FBXL7: variants seen among roughly 807,000 people sequenced by gnomAD.
The protein encoded by FBXL7 is F-box/LRR-repeat protein 7.
A neutral mutation model predicts 38.3 loss-of-function variants in FBXL7; 12 were observed. That is an observed-to-expected ratio of 0.31 (90% confidence interval 0.20 to 0.51). The LOEUF is 0.51. FBXL7 is among the 20% of genes least tolerant of loss of function. The pLI is 0.98. For synonymous variants in FBXL7, 297 were observed against 300.9 expected (o/e 0.99, Z 0.13); for missense variants, 567 against 676.4 (o/e 0.84, Z 1.79).
chr5:15,839,917 C>T lies in FBXL7; in HGVS notation c.128-87973C>T, dbSNP rs534965185. 9.8e-5 allele frequency among the ~76,000 whole-genome samples: 15 copies of T among 152,288 alleles called. No homozygotes were observed. The South Asian group carries it at 2.7e-3, about 27-fold the overall frequency. ...ATAAAAGAAGAAAAATCTGCTTACT[C>T]TTTTACAACTAAATGGTTACATTGA... is the stretch of plus-strand genomic sequence containing the variant. On this transcript the variant is annotated intron_variant, in intron 2 of 3. Transcript: ENST00000504595.
At chr5:15,559,317 C>T (rs946195178) in intron 1 of FBXL7, among the ~76,000 whole-genome samples, 15 of 152,072 alleles carry the variant, frequency 9.9e-5, no homozygotes, top group Admixed American at 4.6e-4. Context: ...CCATTTGAAG[C>T]CTAAGAGTCA....
intron 2 of FBXL7, among the ~76,000 whole-genome samples, chr5:15,801,317 G>A (rs1304657702): frequency 6.6e-6 from 1 of 152,154 alleles, no homozygotes; most frequent in Non-Finnish European, 1.5e-5. Flanking sequence ...AAGGACAATG[G>A]TAACTTACAG....
intron 1 of FBXL7, among the ~76,000 whole-genome samples, chr5:15,584,150 C>T (rs1739234809): frequency 1.3e-5 from 2 of 152,150 alleles, no homozygotes; most frequent in South Asian, 4.1e-4. Flanking sequence ...AGCAGCTGGG[C>T]CCTGGGCCTG....
intron 2 of FBXL7, among the ~76,000 whole-genome samples, chr5:15,882,397 G>C (rs991121643): frequency 6.6e-6 from 1 of 152,160 alleles, no homozygotes; most frequent in Non-Finnish European, 1.5e-5. Context: ...CCCAGCACCT[G>C]ACATGTCAGG....
intron 2 of FBXL7, among the ~76,000 whole-genome samples, chr5:15,684,292 A>C (rs925780503): frequency 6.6e-6 from 1 of 152,224 alleles, no homozygotes; most frequent in East Asian, 1.9e-4. Context: ...AATATGATAC[A>C]TGACATGAGA....
At position 15,692,242 on chromosome 5, in the gene FBXL7, G is replaced by C. The variant is rs141559823; in HGVS notation, c.127+76170G>C. On this transcript the variant is annotated intron_variant, in intron 2 of 3. Transcript: ENST00000504595. ...GAATAATAAGAGTACCTACTTCATAGAGATGGGAATTAACTGAGGTAATGC... is the reference window on the plus strand; with the variant it reads ...GAATAATAAGAGTACCTACTTCATACAGATGGGAATTAACTGAGGTAATGC... Among the ~76,000 whole-genome samples the C allele has an allele frequency of 9.4e-4, 143 of 152,270 alleles. 3 individuals are homozygous for C. In the East Asian group the frequency reaches 0.024, roughly 25 times the overall value.
At chr5:15,639,314 TA>T (rs1412361111) in intron 2 of FBXL7, among the ~76,000 whole-genome samples, 1 of 152,170 alleles carries the variant, frequency 6.6e-6, no homozygotes, top group Non-Finnish European at 1.5e-5. Flanking sequence ...TCTCATCTTG[TA>T]GCTCCCATGA....
intron 2 of FBXL7, among the ~76,000 whole-genome samples, chr5:15,786,967 C>T (rs142812459): frequency 2.0e-5 from 3 of 152,042 alleles, no homozygotes; most frequent in African/African-American, 7.2e-5. Flanking sequence ...CCTTATGAGA[C>T]CCACACAGAG....
At chr5:15,927,427 G>A (rs1352246649) in intron 2 of FBXL7, among the ~76,000 whole-genome samples, 1 of 152,158 alleles carries the variant, frequency 6.6e-6, no homozygotes, top group African/African-American at 2.4e-5. Flanking sequence ...GGCCCAGGGA[G>A]GACATCTGTG....
chr5:15,800,832 G>C (rs1202481050), intron 2 of FBXL7, among the ~76,000 whole-genome samples: 1 of 152,122 alleles, frequency 6.6e-6, no homozygotes, highest in Non-Finnish European at 1.5e-5. Context: ...CAAACCTGAA[G>C]GTCAGACAGA....
intron 2 of FBXL7, among the ~76,000 whole-genome samples, chr5:15,915,174 G>A (rs769172716): frequency 2.0e-5 from 3 of 152,180 alleles, no homozygotes; most frequent in Admixed American, 6.5e-5. Context: ...CCTGGGTAGT[G>A]TTCCGTACAA....
At chr5:15,703,412 CTT>C (rs1743588478) in intron 2 of FBXL7, among the ~76,000 whole-genome samples, 2 of 152,104 alleles carry the variant, frequency 1.3e-5, no homozygotes, top group African/African-American at 2.4e-5. Flanking sequence ...CTGGAATTAA[CTT>C]TATTTTTCGT....
At chr5:15,636,616 G>C (rs1262223743) in intron 2 of FBXL7, among the ~76,000 whole-genome samples, 2 of 150,306 alleles carry the variant, frequency 1.3e-5, no homozygotes, top group Non-Finnish European at 3.0e-5. Flanking sequence ...CTGTGAGCCT[G>C]TTCTTTTACC....
intron 1 of FBXL7, among the ~76,000 whole-genome samples, chr5:15,558,137 A>T (rs566911263): frequency 5.3e-4 from 81 of 152,296 alleles, no homozygotes; most frequent in African/African-American, 1.9e-3. Context: ...AAATGGCTAG[A>T]ATCACATGTT....
In FBXL7 at chr5:15,661,511, ATAGT is replaced by A. The variant is rs528659480; in HGVS notation, c.127+45446_127+45449del. Among the ~76,000 whole-genome samples, 398 of 152,268 alleles carry A rather than the reference ATAGT, an allele frequency of 2.6e-3. 1 individual carries two copies. Among genetic ancestry groups the A allele is most frequent in the Admixed American group, 4.3e-3 (66 of 15,298 alleles). ...GCAAAGCATTGTCTTCAAATAATAT[ATAGT>A]TAGTTATAAGTTTTTTGATAGATAT... On this transcript the variant is annotated intron_variant, in intron 2 of 3. Coordinates refer to ENST00000504595, the MANE Select transcript of FBXL7 (RefSeq NM_012304.5).
chr5:15,859,795 C>T (rs2126805285), intron 2 of FBXL7, among the ~76,000 whole-genome samples: 1 of 152,198 alleles, frequency 6.6e-6, no homozygotes, highest in South Asian at 2.1e-4. Flanking sequence ...CAAACCATGT[C>T]ACCACTCAAG....
intron 2 of FBXL7, among the ~76,000 whole-genome samples, chr5:15,755,132 G>C (rs562999527): frequency 5.9e-5 from 9 of 152,064 alleles, no homozygotes; most frequent in Non-Finnish European, 1.3e-4. Context: ...CCTCAAATTT[G>C]TATACTAGAC....
At chr5:15,619,882 C>G (rs1263825247) in intron 2 of FBXL7, among the ~76,000 whole-genome samples, 1 of 152,152 alleles carries the variant, frequency 6.6e-6, no homozygotes, top group Non-Finnish European at 1.5e-5. Flanking sequence ...TTGTGTCTGA[C>G]ATCTACATGG....
intron 2 of FBXL7, among the ~76,000 whole-genome samples, chr5:15,772,217 C>T (rs1736747794): frequency 6.6e-6 from 1 of 152,176 alleles, no homozygotes; most frequent in African/African-American, 2.4e-5. Context: ...TCCACTTCCT[C>T]CTCTGCTCCA....
Sources: allele counts gnomAD v4.1 joint callset (sites outside exome capture counted in the v4.1 genomes callset), GRCh38; gene constraint gnomAD v4.1.1; transcripts MANE v1.5; gene names NCBI Gene and HGNC (gene_info 2026-07-23, HGNC 2026-07-21).